CASK: variants seen among roughly 807,000 people sequenced by gnomAD.
CASK encodes peripheral plasma membrane protein CASK.
CASK carries 4 observed loss-of-function variants against 82.9 expected under a neutral mutation model. The observed-to-expected ratio is 0.05, with a 90% confidence interval of 0.02 to 0.11. The LOEUF (loss-of-function observed/expected upper bound fraction) is 0.11, where lower values mean the gene tolerates loss of function less well. CASK is among the 10% of genes least tolerant of loss of function. CASK has a pLI of 1.00. For synonymous variants in CASK, 259 were observed against 253.5 expected, an observed-to-expected ratio of 1.02 and a Z score of -0.20; for missense variants, 358 against 720.9, an observed-to-expected ratio of 0.50 and a Z score of 5.76.
intron 16 of CASK, among the ~76,000 whole-genome samples, chrX:41,565,519 TC>T (rs780339241): frequency 2.7e-5 from 3 of 111,459 alleles, no homozygotes; most frequent in Non-Finnish European, 5.6e-5. Context: ...ACCTACATTC[TC>T]CCAAGACTAA....
intron 14 of CASK, 125 bp from the exon 15 acceptor site, chrX:41,578,653 A>G: frequency 2.0e-6 from 1 of 494,116 alleles, no homozygotes; most frequent in Non-Finnish European, 3.3e-6. Flanking sequence ...CAGTGGTGAG[A>G]TCTCAGCTCA....
At chrX:41,857,280 T>C (rs191019639) in intron 1 of CASK, among the ~76,000 whole-genome samples, 4 of 111,024 alleles carry the variant, frequency 3.6e-5, no homozygotes, top group African/African-American at 9.8e-5. Flanking sequence ...ACTAGTAGCA[T>C]AGCACCCCCT....
rs368654669 is a variant in CASK at position 41,822,274 on chromosome X, G to C, written c.172+30841C>G. Among the ~76,000 whole-genome samples the C allele has an allele frequency of 2.4e-4, 27 of 111,409 alleles. 2 individuals are homozygous for C. In the Admixed American group the frequency reaches 2.5e-3, roughly 10 times the overall value. On this transcript the variant is annotated intron_variant, in intron 2 of 26. Coordinates refer to ENST00000378163, the MANE Select transcript of CASK (RefSeq NM_001367721.1). ...GCATTTACTATGTGTAAAAATTCAG[G>C]TGGCCAGGCGTGGTGGCTCACATCT... is the stretch of plus-strand genomic sequence containing the variant.
chrX:41,624,307 C>T (rs1413559011), intron 10 of CASK: 4 of 349,304 alleles, frequency 1.1e-5, no homozygotes, highest in African/African-American at 2.6e-5. Flanking sequence ...ATAAACACAA[C>T]TAGATCCCTG....
rs1006777488 is a variant in CASK, at chrX:41,626,726, T to C, written c.916-23A>G. 5 of 956,196 alleles carry C rather than the reference T, an allele frequency of 5.2e-6. No homozygotes were observed. The African/African-American group carries it at 9.5e-5, about 18-fold the overall frequency. 78.8% of individuals were successfully genotyped at this position (956,196 alleles called of 1,213,427 possible). The stretch of plus-strand genomic sequence containing the variant: ...ACCCTAAAACAAAGAGATGAAAAAA[T>C]AGATTATTAAAACAAATACACAAAT... On this transcript the variant is annotated intron_variant, in intron 9 of 26. Coordinates refer to ENST00000378163, the MANE Select transcript of CASK (RefSeq NM_001367721.1).
At chrX:41,869,853 CAATG>C (rs2071672698) in intron 1 of CASK, among the ~76,000 whole-genome samples, 1 of 65,483 alleles carries the variant, frequency 1.5e-5, no homozygotes, top group African/African-American at 5.4e-5. Flanking sequence ...ATTTAAAACT[CAATG>C]GATGGGTTTC....
At chrX:41,665,514 TA>T in intron 6 of CASK, 62 bp from the exon 7 acceptor site, 1 of 872,017 alleles carries the variant, frequency 1.1e-6, no homozygotes, top group Non-Finnish European at 1.7e-6. Flanking sequence ...ACTTGAAAAC[TA>T]AAAATAATAG....
chrX:41,551,945 GAC>G (rs961203127), intron 21 of CASK, among the ~76,000 whole-genome samples: 2 of 104,759 alleles, frequency 1.9e-5, no homozygotes, highest in Non-Finnish European at 3.9e-5. Context: ...TTATTTCCCG[GAC>G]ACAGAGTCTC....
In CASK at chrX:41,664,304, A is replaced by G. The variant is rs140282939; in HGVS notation, c.708+973T>C. ...TTTACTTTTCTTCTTTTTAAATTTT[A>G]TTTTTCCAAGTCCCATATAAAATTC... is the stretch of plus-strand genomic sequence containing the variant. On this transcript the variant is annotated intron_variant, in intron 7 of 26. Coordinates refer to ENST00000378163, the MANE Select transcript of CASK (RefSeq NM_001367721.1). Among the ~76,000 whole-genome samples, 377 of 111,296 alleles carry G rather than the reference A, an allele frequency of 3.4e-3. 3 individuals are homozygous for G. Among genetic ancestry groups the G allele is most frequent in the Non-Finnish European group, 4.8e-3 (256 of 52,995 alleles).
intron 2 of CASK, among the ~76,000 whole-genome samples, chrX:41,802,609 A>T (rs1194367714): frequency 2.7e-5 from 3 of 112,490 alleles, no homozygotes; most frequent in African/African-American, 9.7e-5. Context: ...ACATCATTGT[A>T]AAATTTTAGG....
chrX:41,643,727 A>G (rs1173735688), intron 8 of CASK, among the ~76,000 whole-genome samples: 3 of 111,932 alleles, frequency 2.7e-5, no homozygotes, highest in Non-Finnish European at 5.6e-5. Context: ...AAACAGGGAC[A>G]ATTTGACTTC....
intron 12 of CASK, among the ~76,000 whole-genome samples, chrX:41,593,418 G>A (rs183249194): frequency 3.0e-4 from 34 of 111,785 alleles, no homozygotes; most frequent in African/African-American, 1.0e-3. Context: ...ATTTATTGAA[G>A]TCTTACTAGG....
chrX:41,755,749 A>G (rs1395391925), intron 3 of CASK, among the ~76,000 whole-genome samples: 1 of 112,352 alleles, frequency 8.9e-6, no homozygotes, highest in Non-Finnish European at 1.9e-5. Context: ...ATTAGAACTA[A>G]GCAGAGTTCA....
intron 11 of CASK, among the ~76,000 whole-genome samples, chrX:41,612,031 C>T (rs1425666968): frequency 7.8e-4 from 87 of 112,144 alleles, no homozygotes; most frequent in African/African-American, 2.6e-3. Context: ...AGTGCAGTGG[C>T]GTGATCTCGG....
intron 8 of CASK, among the ~76,000 whole-genome samples, chrX:41,640,977 C>CTTTTTT (rs933827422): frequency 4.4e-4 from 22 of 49,714 alleles, no homozygotes; most frequent in Non-Finnish European, 6.5e-4. Flanking sequence ...GGTATCTCGT[C>CTTTTTT]TTTTTTTTTT....
At chrX:41,558,225 A>T (rs1343660569) in intron 18 of CASK, 1 of 109,189 alleles carries the variant, frequency 9.2e-6, no homozygotes, top group Non-Finnish European at 1.9e-5. Flanking sequence ...ACAAGCTTGA[A>T]TTCTGCCAGG....
chrX:41,777,084 C>T (rs1025987910), intron 3 of CASK, among the ~76,000 whole-genome samples: 11 of 111,737 alleles, frequency 9.8e-5, no homozygotes, highest in African/African-American at 1.6e-4. Context: ...ATAAATAGTG[C>T]GAGTTTGTTC....
Position 41,628,478 on chromosome X carries a change from A to AT in CASK, c.916-1776dup, listed in dbSNP as rs1189776874. ...GCCACCATGCCTGGCTAACTTTTGT[A>AT]TTTTTTTGTAGAGATGGGGTTTCAC... On this transcript the variant is annotated intron_variant, in intron 9 of 26. Transcript: ENST00000378163. Among the ~76,000 whole-genome samples the AT allele has an allele frequency of 1.6e-4, 18 of 110,541 alleles. 1 individual carries two copies. In the East Asian group the frequency reaches 4.8e-3, roughly 30 times the overall value.
At chrX:41,611,977 A>G (rs1050777478) in intron 11 of CASK, among the ~76,000 whole-genome samples, 1 of 112,003 alleles carries the variant, frequency 8.9e-6, no homozygotes, top group African/African-American at 3.2e-5. Flanking sequence ...CCGGGATTGC[A>G]GATGGAGTCT....
Sources: allele counts gnomAD v4.1 joint callset (sites outside exome capture counted in the v4.1 genomes callset), GRCh38; gene constraint gnomAD v4.1.1; transcripts MANE v1.5; gene names NCBI Gene and HGNC (gene_info 2026-07-23, HGNC 2026-07-21).